RNGTT: variants seen among roughly 807,000 people sequenced by gnomAD.
The protein encoded by RNGTT is mRNA-capping enzyme.
RNGTT carries 33 observed loss-of-function variants against 79.3 expected under a neutral mutation model. The ratio of observed to expected loss-of-function variants is 0.42; its 90% CI spans 0.32 to 0.56. The LOEUF is 0.56. Ranked by LOEUF, RNGTT falls within the 20% of genes least tolerant of loss-of-function variation. The probability of loss-of-function intolerance (pLI) is 0.17; values close to 1 mark genes in which losing one functional copy is unlikely to be tolerated. For synonymous variants in RNGTT, 222 were observed against 235.9 expected, an observed-to-expected ratio of 0.94 and a Z score of 0.54; for missense variants, 497 against 739.1, an observed-to-expected ratio of 0.67 and a Z score of 3.80.
At chr6:88,956,172 C>T (rs576706883) in intron 1 of RNGTT, among the ~76,000 whole-genome samples, 9 of 147,984 alleles carry the variant, frequency 6.1e-5, no homozygotes, top group South Asian at 2.1e-4. Context: ...GGAGATATTA[C>T]AACCGATACA....
intron 14 of RNGTT, among the ~76,000 whole-genome samples, chr6:88,643,165 T>A (rs1403376829): frequency 4.6e-5 from 7 of 151,854 alleles, no homozygotes; most frequent in Admixed American, 4.6e-4. Flanking sequence ...GGAAAAAAAA[T>A]CATCTAATAT....
At chr6:88,805,596 T>C (rs1779928313) in intron 11 of RNGTT, among the ~76,000 whole-genome samples, 1 of 151,946 alleles carries the variant, frequency 6.6e-6, no homozygotes, top group Non-Finnish European at 1.5e-5. Context: ...TGACAAAATA[T>C]CCCTATGCAA....
At chr6:88,899,962 A>G (rs1783390398) in intron 6 of RNGTT, among the ~76,000 whole-genome samples, 1 of 152,186 alleles carries the variant, frequency 6.6e-6, no homozygotes, top group African/African-American at 2.4e-5. Flanking sequence ...CCCCAAAACT[A>G]AAGTCTAGTT....
At chr6:88,887,086 GTT>G in intron 8 of RNGTT, among the ~76,000 whole-genome samples, 1 of 142,000 alleles carries the variant, frequency 7.0e-6, no homozygotes, top group Admixed American at 7.2e-5. Flanking sequence ...TCTACTTACT[GTT>G]ATCTCCAGGC....
Position 88,911,655 on chromosome 6 carries a change from G to C in RNGTT, c.368-5215C>G, listed in dbSNP as rs534420723. ...AACAACTTCCTCCTGGATGACTTTTGGGCAAACAACGAAATTAAGAAAGAA... is the reference window on the plus strand; with the variant it reads ...AACAACTTCCTCCTGGATGACTTTTCGGCAAACAACGAAATTAAGAAAGAA... On this transcript the variant is annotated intron_variant, in intron 4 of 15. Coordinates refer to ENST00000369485, the MANE Select transcript of RNGTT (RefSeq NM_003800.5). 1.1e-4 allele frequency among the ~76,000 whole-genome samples: 17 copies of C among 152,028 alleles called. No individual in the cohort carries two copies. The Middle Eastern group carries it at 0.017, about 152-fold the overall frequency.
chr6:88,817,412 T>C (rs1780346310), intron 11 of RNGTT, among the ~76,000 whole-genome samples: 1 of 146,176 alleles, frequency 6.8e-6, no homozygotes, highest in Non-Finnish European at 1.5e-5. Context: ...GAGGCCATGG[T>C]GTGAGGACCG....
intron 14 of RNGTT, among the ~76,000 whole-genome samples, chr6:88,644,455 C>A (rs1773455990): frequency 1.3e-5 from 2 of 152,120 alleles, no homozygotes; most frequent in African/African-American, 4.8e-5. Flanking sequence ...CCTTCTGAAA[C>A]TATTCCAATC....
At chr6:88,823,648 T>C (rs766180677) in intron 11 of RNGTT, among the ~76,000 whole-genome samples, 1 of 152,002 alleles carries the variant, frequency 6.6e-6, no homozygotes, top group Admixed American at 6.5e-5. Context: ...CCCCAAAAAA[T>C]AGACTAATGG....
chr6:88,954,714 A>G (rs1306572952), intron 1 of RNGTT, among the ~76,000 whole-genome samples: 2 of 151,732 alleles, frequency 1.3e-5, no homozygotes, highest in Non-Finnish European at 2.9e-5. Flanking sequence ...GTGGAATAAA[A>G]CTGAAAATTA....
At chr6:88,711,211 T>C (rs763442002) in intron 13 of RNGTT, among the ~76,000 whole-genome samples, 9 of 152,186 alleles carry the variant, frequency 5.9e-5, no homozygotes, top group Non-Finnish European at 1.0e-4. Flanking sequence ...CTGTCAACAG[T>C]ACATACTTAG....
At chr6:88,630,760 C>T (rs1772838774) in intron 14 of RNGTT, among the ~76,000 whole-genome samples, 1 of 151,550 alleles carries the variant, frequency 6.6e-6, no homozygotes, top group African/African-American at 2.4e-5. Context: ...GGCAAAGTAA[C>T]TCATTCTTAG....
At position 88,653,502 on chromosome 6, in the gene RNGTT, C is replaced by T. The variant is rs536459319; in HGVS notation, c.1506+24851G>A. On this transcript the variant is annotated intron_variant, in intron 14 of 15. Transcript: ENST00000369485. Reference sequence around the variant, plus strand: ...AAGTGTTCTCAGAAGAATGTATTCACAAAATCTACATTCCAAATAAAGTTG... The same window carrying T: ...AAGTGTTCTCAGAAGAATGTATTCATAAAATCTACATTCCAAATAAAGTTG... Among the ~76,000 whole-genome samples the T allele has an allele frequency of 2.6e-5, 4 of 152,190 alleles. No homozygotes were observed. In the South Asian group the frequency reaches 6.2e-4, roughly 24 times the overall value.
intron 13 of RNGTT, among the ~76,000 whole-genome samples, chr6:88,730,486 C>G (rs146195029): frequency 1.3e-5 from 2 of 152,342 alleles, no homozygotes; most frequent in East Asian, 3.9e-4. Flanking sequence ...TAAGGGCGCA[C>G]CCTTCTATAG....
chr6:88,899,982 T>C (rs1329034985), intron 6 of RNGTT, among the ~76,000 whole-genome samples: 2 of 152,144 alleles, frequency 1.3e-5, no homozygotes, highest in Non-Finnish European at 2.9e-5. Flanking sequence ...TTCTAACAGC[T>C]CAATCCTTAA....
chr6:88,925,864 C>T (rs1005405477), intron 4 of RNGTT, among the ~76,000 whole-genome samples: 7 of 152,034 alleles, frequency 4.6e-5, no homozygotes, highest in Admixed American at 3.3e-4. Flanking sequence ...AAGTGGGCAA[C>T]ATAGCAAGAC....
chr6:88,756,594 TTAAATAAA>T (rs1298211102), intron 13 of RNGTT, among the ~76,000 whole-genome samples: 1 of 152,170 alleles, frequency 6.6e-6, no homozygotes, highest in African/African-American at 2.4e-5. Flanking sequence ...ACAGACTGAG[TTAAATAAA>T]ACCAACTATA....
chr6:88,808,746 C>CA lies in RNGTT; in HGVS notation c.1270-7115dup, dbSNP rs1188025413. ...GCAACATGGCAAAACCCCATCTCTACAAAAAATATTTTAAAAAATGTAGGT... is the reference window on the plus strand; with the variant it reads ...GCAACATGGCAAAACCCCATCTCTACAAAAAAATATTTTAAAAAATGTAGGT... On this transcript the variant is annotated intron_variant, in intron 11 of 15. Transcript: ENST00000369485. 6.6e-5 allele frequency among the ~76,000 whole-genome samples: 10 copies of CA among 152,136 alleles called. 1 individual carries two copies. Among genetic ancestry groups the CA allele is most frequent in the East Asian group, 5.8e-4 (3 of 5,180 alleles).
intron 4 of RNGTT, among the ~76,000 whole-genome samples, chr6:88,912,681 A>G (rs973302499): frequency 4.6e-5 from 7 of 152,196 alleles, no homozygotes; most frequent in African/African-American, 1.7e-4. Context: ...GATCCAAATA[A>G]GCACAATCTG....
chr6:88,707,795 G>T (rs1296493800), intron 13 of RNGTT, among the ~76,000 whole-genome samples: 9 of 149,034 alleles, frequency 6.0e-5, no homozygotes, highest in Admixed American at 4.7e-4. Flanking sequence ...AATCTAGAGA[G>T]ACTGATGGCA....
Sources: gnomAD v4.1 joint callset for allele counts (sites outside exome capture counted in the v4.1 genomes callset) on GRCh38, gnomAD v4.1.1 for gene constraint, MANE v1.5 for transcripts, NCBI Gene and HGNC (gene_info 2026-07-23, HGNC 2026-07-21) for gene names.